KCNN2: variants seen among roughly 807,000 people sequenced by gnomAD.
The protein encoded by KCNN2 is small conductance calcium-activated potassium channel protein 2.
Under a neutral mutation model 55.5 loss-of-function variants are expected in KCNN2, and 24 were observed. The observed-to-expected ratio is 0.43, with a 90% CI of 0.31 to 0.61. KCNN2 has a LOEUF of 0.61. Among genes scored for constraint, KCNN2 ranks in the 20% least tolerant of loss-of-function variants. The probability of loss-of-function intolerance (pLI) is 0.08; values close to 1 mark genes in which losing one functional copy is unlikely to be tolerated. For missense variants in KCNN2, 754 were observed against 853.6 expected (o/e 0.88, Z 1.45); for synonymous variants, 431 against 336.1 (o/e 1.28, Z -3.09).
chr5:114,421,006 G>A (rs1199048503), intron 3 of KCNN2, among the ~76,000 whole-genome samples: 1 of 152,122 alleles, frequency 6.6e-6, no homozygotes, highest in Non-Finnish European at 1.5e-5. Flanking sequence ...AAATTGTGGT[G>A]GTGATTCTTT....
At chr5:114,462,025 A>C (rs1288738018) in intron 3 of KCNN2, among the ~76,000 whole-genome samples, 1 of 152,188 alleles carries the variant, frequency 6.6e-6, no homozygotes, top group African/African-American at 2.4e-5. Context: ...AAAGTAAGGA[A>C]GTCTTCTAGT....
At chr5:114,108,524 C>A (rs1010013149) in intron 1 of KCNN2, among the ~76,000 whole-genome samples, 3 of 151,992 alleles carry the variant, frequency 2.0e-5, no homozygotes, top group Admixed American at 6.6e-5. Context: ...ATGCCCTGTT[C>A]CAGTAAACCT....
At chr5:114,350,508 T>C (rs1757188245) in intron 2 of KCNN2, among the ~76,000 whole-genome samples, 1 of 151,946 alleles carries the variant, frequency 6.6e-6, no homozygotes, top group Non-Finnish European at 1.5e-5. Flanking sequence ...CTTATGCTTT[T>C]AGTATTATAT....
At chr5:114,158,307 A>C (rs1440751868) in intron 1 of KCNN2, among the ~76,000 whole-genome samples, 1 of 152,144 alleles carries the variant, frequency 6.6e-6, no homozygotes, top group Admixed American at 6.6e-5. Flanking sequence ...AAGATCAGAT[A>C]GTTGTAGTTA....
At chr5:114,262,595 T>C (rs1198526178) in intron 2 of KCNN2, among the ~76,000 whole-genome samples, 2 of 152,230 alleles carry the variant, frequency 1.3e-5, no homozygotes, top group Admixed American at 1.3e-4. Context: ...CCTGTAAAAG[T>C]GCAATAGTAG....
In KCNN2 at chr5:114,227,440, T is replaced by C. The variant is rs543083335; in HGVS notation, c.-185+5875T>C. ...TCATGCCCTAAAGTACCCCGTACTG[T>C]TGTACTCTTACTCTTACCCCCTTCT... is the stretch of plus-strand genomic sequence containing the variant. On this transcript the variant is annotated intron_variant, in intron 2 of 10. Coordinates refer to the KCNN2 transcript ENST00000512097. Among the ~76,000 whole-genome samples the C allele has an allele frequency of 1.8e-3, 269 of 152,318 alleles. 2 individuals carry two copies. Among genetic ancestry groups the C allele is most frequent in the African/African-American group, 3.9e-3 (162 of 41,574 alleles).
chr5:114,086,182 T>C (rs750543220), intron 1 of KCNN2, among the ~76,000 whole-genome samples: 4 of 152,150 alleles, frequency 2.6e-5, no homozygotes, highest in Non-Finnish European at 5.9e-5. Context: ...GCATTTCTTA[T>C]AGACAGTATA....
At chr5:114,154,558 C>G (rs759904461) in intron 1 of KCNN2, among the ~76,000 whole-genome samples, 7 of 152,038 alleles carry the variant, frequency 4.6e-5, no homozygotes, top group Non-Finnish European at 8.8e-5. Context: ...CTGTAAATAC[C>G]CTTTTACTTA....
At chr5:114,470,616 T>G (rs1177245249) in intron 4 of KCNN2, among the ~76,000 whole-genome samples, 1 of 152,220 alleles carries the variant, frequency 6.6e-6, no homozygotes, top group Non-Finnish European at 1.5e-5. Context: ...TTTTCTTTCA[T>G]TAGTACCCAG....
At chr5:114,144,150 T>C (rs1271886132) in intron 1 of KCNN2, among the ~76,000 whole-genome samples, 1 of 152,218 alleles carries the variant, frequency 6.6e-6, no homozygotes, top group South Asian at 2.1e-4. Flanking sequence ...TCCTTGTCAA[T>C]GGCGTTTTAC....
At chr5:114,495,041 G>C (rs954757373) in intron 7 of KCNN2, among the ~76,000 whole-genome samples, 8 of 152,084 alleles carry the variant, frequency 5.3e-5, no homozygotes, top group African/African-American at 1.9e-4. Flanking sequence ...GTCTAGCTCT[G>C]AGCTGATCAG....
chr5:114,234,439 A>G (rs1409079786), intron 2 of KCNN2, among the ~76,000 whole-genome samples: 3 of 152,142 alleles, frequency 2.0e-5, no homozygotes, highest in Non-Finnish European at 4.4e-5. Context: ...CATGTAGTAT[A>G]TTCTTCTTTG....
intron 1 of KCNN2, among the ~76,000 whole-genome samples, chr5:114,151,454 G>A (rs1010074677): frequency 1.3e-5 from 2 of 151,900 alleles, no homozygotes; most frequent in Non-Finnish European, 2.9e-5. Flanking sequence ...GAAGAGTTGG[G>A]ACAGTCAGCT....
chr5:114,161,149 T>G (rs1752769327), intron 1 of KCNN2, among the ~76,000 whole-genome samples: 1 of 152,230 alleles, frequency 6.6e-6, no homozygotes. Flanking sequence ...GTACTGGTTT[T>G]TCCTTTCCAT....
At chr5:114,203,017 C>A (rs1001691869) in intron 1 of KCNN2, among the ~76,000 whole-genome samples, 34 of 152,108 alleles carry the variant, frequency 2.2e-4, no homozygotes, top group African/African-American at 7.5e-4. Flanking sequence ...CCTTATTTAA[C>A]AAAGAAATTC....
chr5:114,329,756 CCTGA>C (rs768332007), intron 2 of KCNN2, among the ~76,000 whole-genome samples: 9 of 152,142 alleles, frequency 5.9e-5, no homozygotes, highest in Non-Finnish European at 1.2e-4. Context: ...TTTGGAGATC[CCTGA>C]CTAATACACC....
intron 2 of KCNN2, among the ~76,000 whole-genome samples, chr5:114,288,798 C>T (rs1010673972): frequency 3.9e-4 from 59 of 152,064 alleles, no homozygotes; most frequent in African/African-American, 1.2e-3. Flanking sequence ...AATATTTTCA[C>T]GCATCCTGTA....
intron 2 of KCNN2, among the ~76,000 whole-genome samples, chr5:114,340,916 T>C (rs1364947263): frequency 1.3e-5 from 2 of 152,206 alleles, no homozygotes; most frequent in Non-Finnish European, 2.9e-5. Context: ...ATATTCCACA[T>C]ATAAGTAAGG....
At chr5:114,351,596 G>C (rs114925672) in intron 2 of KCNN2, among the ~76,000 whole-genome samples, 1 of 151,616 alleles carries the variant, frequency 6.6e-6, no homozygotes, top group South Asian at 2.1e-4. Context: ...CATGGATGTC[G>C]TCTATCAAGC....
Sources: allele counts gnomAD v4.1 joint callset (sites outside exome capture counted in the v4.1 genomes callset), GRCh38; gene constraint gnomAD v4.1.1; transcripts MANE v1.5; gene names NCBI Gene and HGNC (gene_info 2026-07-23, HGNC 2026-07-21).